The following TRPM3 variants were observed in gnomAD, a reference collection of about 807,000 sequenced individuals.
The protein encoded by TRPM3 is long transient receptor potential channel 3.
TRPM3 carries 77 observed loss-of-function variants against 181.2 expected under a neutral mutation model. That is an observed-to-expected ratio of 0.42 (90% confidence interval 0.35 to 0.51). The LOEUF (loss-of-function observed/expected upper bound fraction) is 0.51, where lower values mean the gene tolerates loss of function less well. Among genes scored for constraint, TRPM3 ranks in the 20% least tolerant of loss-of-function variants. The probability of loss-of-function intolerance (pLI) is 0.01; values close to 1 mark genes in which losing one functional copy is unlikely to be tolerated. For synonymous variants in TRPM3, 745 were observed against 796.4 expected, an observed-to-expected ratio of 0.94 and a Z score of 1.09; for missense variants, 1,759 against 2,196.7, an observed-to-expected ratio of 0.80 and a Z score of 3.98.
At chr9:70,598,389 T>C in intron 21 of TRPM3, 30 bp downstream of exon 21, 1 of 1,607,762 alleles carries the variant, frequency 6.2e-7, no homozygotes, top group Non-Finnish European at 8.5e-7. Flanking sequence ...TCTGAAAACT[T>C]ATAACATGGA....
At chr9:70,809,516 A>G (rs1292254405) in intron 6 of TRPM3, among the ~76,000 whole-genome samples, 1 of 152,206 alleles carries the variant, frequency 6.6e-6, no homozygotes, top group Non-Finnish European at 1.5e-5. Flanking sequence ...CCATCGTGTT[A>G]CAGTTGCCTA....
At chr9:71,290,124 T>C (rs2085676140) in intron 1 of TRPM3, among the ~76,000 whole-genome samples, 1 of 151,706 alleles carries the variant, frequency 6.6e-6, no homozygotes, top group African/African-American at 2.4e-5. Context: ...AATGAGAAAA[T>C]GAAAGATATA....
chr9:71,361,813 A>C (rs2092157841), intron 1 of TRPM3, among the ~76,000 whole-genome samples: 1 of 152,208 alleles, frequency 6.6e-6, no homozygotes, highest in Non-Finnish European at 1.5e-5. Context: ...GAAACAATTT[A>C]AGCTGGATTT....
chr9:71,337,127 T>A (rs2090614186), intron 1 of TRPM3, among the ~76,000 whole-genome samples: 1 of 152,100 alleles, frequency 6.6e-6, no homozygotes, highest in Admixed American at 6.5e-5. Context: ...CTAAAGAGCT[T>A]CTGCACAACA....
intron 1 of TRPM3, among the ~76,000 whole-genome samples, chr9:71,416,356 C>T (rs918324086): frequency 2.6e-5 from 4 of 151,722 alleles, no homozygotes; most frequent in East Asian, 1.9e-4. Flanking sequence ...TTGGATTGGT[C>T]GGCAATTTAT....
intron 1 of TRPM3, among the ~76,000 whole-genome samples, chr9:71,378,028 C>G (rs1348566262): frequency 6.6e-6 from 1 of 151,688 alleles, no homozygotes; most frequent in Non-Finnish European, 1.5e-5. Context: ...AGTAAAAAAG[C>G]AAACTACAGA....
chr9:70,535,357 TA>T lies in TRPM3; in HGVS notation c.*595del. 6.6e-7 allele frequency: 1 copy of T among 1,509,424 alleles called. No homozygotes were observed. Among genetic ancestry groups the T allele is most frequent in the Non-Finnish European group, 9.0e-7 (1 of 1,110,844 alleles). 93.5% of individuals were successfully genotyped at this position (1,509,424 alleles called of 1,614,324 possible). ...TATGACTGTTACCTTGTTTTTTCTT[TA>T]TAATGATCAATTACAGAAGTGTTGG... On this transcript the variant is annotated 3_prime_UTR_variant, in exon 26 of 26. Coordinates refer to ENST00000677713, the MANE Select transcript of TRPM3 (RefSeq NM_001366145.2).
At chr9:71,146,270 G>A (rs550886880) in intron 1 of TRPM3, among the ~76,000 whole-genome samples, 3 of 152,202 alleles carry the variant, frequency 2.0e-5, no homozygotes, top group Admixed American at 6.5e-5. Flanking sequence ...TCGAATCACC[G>A]TGGTGCCGTT....
intron 1 of TRPM3, among the ~76,000 whole-genome samples, chr9:71,037,235 T>C (rs2058312254): frequency 6.6e-6 from 1 of 152,194 alleles, no homozygotes; most frequent in Admixed American, 6.5e-5. Flanking sequence ...GCGAGGAAAG[T>C]TTCAACATAT....
chr9:71,381,244 T>C (rs1049856341), intron 1 of TRPM3, among the ~76,000 whole-genome samples: 2 of 152,084 alleles, frequency 1.3e-5, no homozygotes, highest in African/African-American at 4.8e-5. Flanking sequence ...AAAATTGAAA[T>C]TAAATCTAAA....
intron 25 of TRPM3, among the ~76,000 whole-genome samples, chr9:70,539,932 A>C (rs1324163685): frequency 6.6e-6 from 1 of 152,128 alleles, no homozygotes; most frequent in Non-Finnish European, 1.5e-5. Context: ...CCTCCTGGGC[A>C]CAAGTGATCC....
intron 1 of TRPM3, among the ~76,000 whole-genome samples, chr9:71,295,587 T>C (rs564219666): frequency 6.8e-6 from 1 of 147,896 alleles, no homozygotes; most frequent in South Asian, 2.1e-4. Flanking sequence ...CTCAGCACTT[T>C]GGGAGGCTGA....
intron 1 of TRPM3, among the ~76,000 whole-genome samples, chr9:71,392,075 C>T (rs1488679776): frequency 6.6e-6 from 1 of 151,898 alleles, no homozygotes; most frequent in African/African-American, 2.4e-5. Context: ...ATGACAAGAG[C>T]CTGAGCAGAA....
At chr9:71,058,832 C>A (rs1393598140) in intron 1 of TRPM3, among the ~76,000 whole-genome samples, 1 of 151,806 alleles carries the variant, frequency 6.6e-6, no homozygotes, top group African/African-American at 2.4e-5. Flanking sequence ...ATTTATCACA[C>A]CATGGTAGTC....
intron 3 of TRPM3, among the ~76,000 whole-genome samples, chr9:70,851,739 GA>G (rs894966454): frequency 1.8e-4 from 27 of 152,130 alleles, no homozygotes; most frequent in African/African-American, 6.3e-4. Context: ...TCTTACAGAT[GA>G]AGAAAGGGAG....
chr9:71,121,617 A>G lies in TRPM3; in HGVS notation c.-263T>C, dbSNP rs2134393640. The G allele has an allele frequency of 8.2e-7, 1 of 1,224,794 alleles. No homozygotes were observed. The highest frequency in any genetic ancestry group is 1.0e-6 in the Non-Finnish European group (1 of 981,074). 75.9% of individuals were successfully genotyped at this position (1,224,794 alleles called of 1,614,324 possible). On this transcript the variant is annotated 5_prime_UTR_variant, in exon 1 of 26. Coordinates refer to ENST00000677713, the MANE Select transcript of TRPM3 (RefSeq NM_001366145.2). ...GGTCGGAGTCAAAGCAGCCTGCTCC[A>G]GAATGCGCGCTCCCTCTCCCGCTCT...
At chr9:70,750,006 C>T (rs773991497) in intron 8 of TRPM3, among the ~76,000 whole-genome samples, 4 of 152,186 alleles carry the variant, frequency 2.6e-5, no homozygotes, top group Non-Finnish European at 5.9e-5. Context: ...TGATAACCAA[C>T]TAATTCTAGC....
At chr9:70,978,667 G>A (rs890489584) in intron 1 of TRPM3, among the ~76,000 whole-genome samples, 10 of 152,140 alleles carry the variant, frequency 6.6e-5, no homozygotes, top group Admixed American at 4.6e-4. Context: ...AAGACATTTC[G>A]CTTGGTGTTA....
rs28818609 is a variant in TRPM3, at chr9:71,198,879, A to G, written c.183+247774T>C. 7.9e-3 allele frequency among the ~76,000 whole-genome samples: 702 copies of G among 88,328 alleles called. 115 individuals carry two copies. Among genetic ancestry groups the G allele is most frequent in the African/African-American group, 0.024 (677 of 28,324 alleles). 57.9% of individuals were successfully genotyped at this position (88,328 alleles called of 152,430 possible). ...TACCCTTTATTTCCTTCTCCTGTCT[A>G]ATTGCCCTGGCCAGAACTTCCAACA... On this transcript the variant is annotated intron_variant, in intron 1 of 24. Coordinates refer to the TRPM3 transcript ENST00000357533.
Sources: allele counts gnomAD v4.1 joint callset (sites outside exome capture counted in the v4.1 genomes callset), GRCh38; gene constraint gnomAD v4.1.1; transcripts MANE v1.5; gene names NCBI Gene and HGNC (gene_info 2026-07-23, HGNC 2026-07-21).